Variants in DGKB observed in about 807,000 individuals in gnomAD.
DGKB encodes 90 kDa diacylglycerol kinase.
In DGKB, 67 loss-of-function variants were observed where a neutral mutation model predicts 114.3. The ratio of observed to expected loss-of-function variants is 0.59; its 90% CI spans 0.48 to 0.72. The LOEUF (loss-of-function observed/expected upper bound fraction) is 0.72. DGKB is among the 30% of genes least tolerant of loss of function. DGKB has a pLI of 0.00. For synonymous variants in DGKB, 398 were observed against 323.1 expected (o/e 1.23, Z -2.49); for missense variants, 907 against 975.2 (o/e 0.93, Z 0.93).
intron 1 of DGKB, among the ~76,000 whole-genome samples, chr7:14,879,086 T>A (rs1214218320): frequency 1.3e-5 from 2 of 151,912 alleles, no homozygotes; most frequent in Non-Finnish European, 2.9e-5. Flanking sequence ...GAGGAAAATG[T>A]CACACAGATC....
Position 14,248,183 on chromosome 7 carries a change from C to A in DGKB, c.2123-70032G>T, listed in dbSNP as rs145861630. Reference sequence around the variant, plus strand: ...ACAAATGAGTGGATTTATTTCTGGGCTATTTTGTTTCATTGGTTGACATGT... The same window carrying A: ...ACAAATGAGTGGATTTATTTCTGGGATATTTTGTTTCATTGGTTGACATGT... On this transcript the variant is annotated intron_variant, in intron 23 of 25. Transcript: ENST00000402815. Among the ~76,000 whole-genome samples, 51 of 152,078 alleles carry A rather than the reference C, an allele frequency of 3.4e-4. No individual in the cohort carries two copies. In the East Asian group the frequency reaches 8.5e-3, roughly 25 times the overall value.
chr7:14,627,482 G>C (rs906559163), intron 14 of DGKB, among the ~76,000 whole-genome samples: 1 of 152,022 alleles, frequency 6.6e-6, no homozygotes, highest in African/African-American at 2.4e-5. Flanking sequence ...TTATTGGAGG[G>C]AATGAAATTT....
chr7:14,683,742 A>G (rs1020131787), intron 10 of DGKB, among the ~76,000 whole-genome samples: 18 of 152,126 alleles, frequency 1.2e-4, no homozygotes, highest in Non-Finnish European at 2.5e-4. Context: ...GAAAAACACT[A>G]AATCTAAATA....
At chr7:14,452,917 A>G (rs765626265) in intron 21 of DGKB, among the ~76,000 whole-genome samples, 37 of 152,126 alleles carry the variant, frequency 2.4e-4, no homozygotes, top group Admixed American at 6.6e-4. Flanking sequence ...TGCAAAACCA[A>G]TATCACATGC....
intron 21 of DGKB, among the ~76,000 whole-genome samples, chr7:14,366,477 T>C (rs74474860): frequency 0.026 from 3,903 of 152,290 alleles, 77 homozygotes; most frequent in South Asian, 0.11. Flanking sequence ...GTATCCTGAA[T>C]GTGTTGGCAT....
chr7:14,729,937 G>C (rs969154186), intron 5 of DGKB, among the ~76,000 whole-genome samples: 8 of 152,104 alleles, frequency 5.3e-5, no homozygotes, highest in African/African-American at 1.4e-4. Flanking sequence ...TATCAATTGA[G>C]TGCCTATTAT....
chr7:14,650,911 C>A (rs892587420), intron 13 of DGKB, among the ~76,000 whole-genome samples: 16 of 152,052 alleles, frequency 1.1e-4, no homozygotes, highest in African/African-American at 3.9e-4. Flanking sequence ...AATGGATAAA[C>A]TCCTCGACAC....
At chr7:14,427,667 A>T (rs1403363481) in intron 21 of DGKB, among the ~76,000 whole-genome samples, 1 of 152,106 alleles carries the variant, frequency 6.6e-6, no homozygotes, top group Non-Finnish European at 1.5e-5. Flanking sequence ...GGCACATCTC[A>T]CATGGTGGCA....
chr7:14,746,072 C>T (rs1833240579), intron 4 of DGKB, among the ~76,000 whole-genome samples: 1 of 152,216 alleles, frequency 6.6e-6, no homozygotes, highest in African/African-American at 2.4e-5. Context: ...TCAGGCTGGG[C>T]ATGCTAGCTC....
intron 23 of DGKB, among the ~76,000 whole-genome samples, chr7:14,216,357 A>G (rs1788958065): frequency 6.6e-6 from 1 of 152,114 alleles, no homozygotes; most frequent in Admixed American, 6.6e-5. Context: ...GTGTACTGTT[A>G]TATGTCATGA....
chr7:14,446,054 TC>T (rs1183421685), intron 21 of DGKB, among the ~76,000 whole-genome samples: 1 of 152,124 alleles, frequency 6.6e-6, no homozygotes, highest in Non-Finnish European at 1.5e-5. Flanking sequence ...AATATCTAGT[TC>T]CCCTTTCACA....
chr7:14,825,660 G>A (rs1845606575), intron 2 of DGKB, among the ~76,000 whole-genome samples: 1 of 152,092 alleles, frequency 6.6e-6, no homozygotes, highest in Non-Finnish European at 1.5e-5. Flanking sequence ...AGCTTTTGCT[G>A]TGCAGCCTGG....
intron 23 of DGKB, among the ~76,000 whole-genome samples, chr7:14,270,056 A>T (rs1005826090): frequency 6.8e-6 from 1 of 146,450 alleles, no homozygotes; most frequent in African/African-American, 2.6e-5. Context: ...TGCAAAAAAA[A>T]AAAAAAAAAA....
intron 21 of DGKB, among the ~76,000 whole-genome samples, chr7:14,385,740 G>C (rs1372793477): frequency 6.6e-6 from 1 of 152,164 alleles, no homozygotes; most frequent in African/African-American, 2.4e-5. Context: ...AAATAAACTG[G>C]TGATATATGA....
intron 18 of DGKB, among the ~76,000 whole-genome samples, chr7:14,582,312 T>C (rs542380805): frequency 1.2e-3 from 183 of 152,280 alleles, no homozygotes; most frequent in Middle Eastern, 6.8e-3. Context: ...AAAAAGCAAA[T>C]AATTTTCCTG....
rs142751848 is a variant in DGKB at position 14,627,858 on chromosome 7, G to A, written c.1167+2378C>T. On this transcript the variant is annotated intron_variant, in intron 14 of 25. Coordinates refer to ENST00000402815, the MANE Select transcript of DGKB (RefSeq NM_001350709.2). ...CTTTGGCGGCTGAAGCAGGAGAATC[G>A]CTTGAACCCGTGAGGCAGAGGCTGC... 3.9e-4 allele frequency among the ~76,000 whole-genome samples: 59 copies of A among 151,584 alleles called. No homozygotes were observed. The East Asian group carries it at 9.9e-3, about 25-fold the overall frequency.
intron 23 of DGKB, among the ~76,000 whole-genome samples, chr7:14,258,044 CT>C (rs753917574): frequency 6.6e-6 from 1 of 152,138 alleles, no homozygotes; most frequent in Non-Finnish European, 1.5e-5. Context: ...AACCCTTTTT[CT>C]TTATAAGTTA....
At chr7:14,643,042 A>G (rs1434738327) in intron 13 of DGKB, among the ~76,000 whole-genome samples, 2 of 152,334 alleles carry the variant, frequency 1.3e-5, no homozygotes, top group African/African-American at 4.8e-5. Context: ...AAGGGCCACA[A>G]CAGCAAATAA....
At chr7:14,199,097 G>T (rs1337248692) in intron 23 of DGKB, among the ~76,000 whole-genome samples, 1 of 151,942 alleles carries the variant, frequency 6.6e-6, no homozygotes, top group East Asian at 1.9e-4. Flanking sequence ...TAAATATATT[G>T]TTCCAATCAG....
Sources: gnomAD v4.1 joint callset for allele counts (sites outside exome capture counted in the v4.1 genomes callset) on GRCh38, gnomAD v4.1.1 for gene constraint, MANE v1.5 for transcripts, NCBI Gene and HGNC (gene_info 2026-07-23, HGNC 2026-07-21) for gene names.